Variants in CNTN4 observed in about 807,000 individuals in gnomAD.
CNTN4 encodes the protein contactin-4.
Under a neutral mutation model 122.5 loss-of-function variants are expected in CNTN4, and 77 were observed. The observed-to-expected ratio is 0.63, with a 90% CI of 0.52 to 0.76. The LOEUF (loss-of-function observed/expected upper bound fraction) is 0.76. CNTN4 is among the 30% of genes least tolerant of loss of function. The pLI is 0.00. For missense variants in CNTN4, 1,256 were observed against 1,259.1 expected (o/e 1.00, Z 0.04); for synonymous variants, 512 against 447.0 (o/e 1.15, Z -1.83).
chr3:2,460,203 C>G (rs2049154891), intron 3 of CNTN4, among the ~76,000 whole-genome samples: 1 of 152,108 alleles, frequency 6.6e-6, no homozygotes, highest in Non-Finnish European at 1.5e-5. Context: ...ACCACGGTTG[C>G]TCGGCATGCT....
intron 3 of CNTN4, among the ~76,000 whole-genome samples, chr3:2,391,491 A>G (rs13077123): frequency 0.16 from 24,407 of 152,246 alleles, 2,400 homozygotes; most frequent in Middle Eastern, 0.26. Context: ...GTCCACAGCA[A>G]TAAAGTCACA....
chr3:2,392,966 C>T (rs1181378614), intron 3 of CNTN4, among the ~76,000 whole-genome samples: 1 of 152,118 alleles, frequency 6.6e-6, no homozygotes, highest in Non-Finnish European at 1.5e-5. Context: ...GCTCTTGTAA[C>T]AAAGTACCAC....
intron 3 of CNTN4, among the ~76,000 whole-genome samples, chr3:2,352,760 G>A (rs531048401): frequency 6.6e-6 from 1 of 152,370 alleles, no homozygotes; most frequent in East Asian, 1.9e-4. Context: ...CCCAAGGGCT[G>A]AGGAGTGCAG....
At chr3:2,334,565 C>A (rs1387194204) in intron 2 of CNTN4, among the ~76,000 whole-genome samples, 5 of 80,092 alleles carry the variant, frequency 6.2e-5, no homozygotes, top group East Asian at 1.8e-3. Context: ...GTTCATGCAG[C>A]AAATAACGTG....
At position 2,167,098 on chromosome 3, in the gene CNTN4, T is replaced by C. The variant is rs545875974; in HGVS notation, c.-145+66459T>C. ...TAAAAATATATATGCAAGTTACAAT[T>C]AAAGTAGGTAAATTAAATCTTAAAT... On this transcript the variant is annotated intron_variant, in intron 2 of 24. Transcript: ENST00000418658. 6.6e-5 allele frequency among the ~76,000 whole-genome samples: 10 copies of C among 152,272 alleles called. No homozygotes were observed. The South Asian group carries it at 2.1e-3, about 32-fold the overall frequency.
At chr3:2,695,139 G>A (rs1234701895) in intron 4 of CNTN4, among the ~76,000 whole-genome samples, 1 of 152,074 alleles carries the variant, frequency 6.6e-6, no homozygotes, top group Non-Finnish European at 1.5e-5. Context: ...TCCAGTATAG[G>A]AATATCTTAC....
At chr3:2,325,190 G>A (rs897666961) in intron 2 of CNTN4, among the ~76,000 whole-genome samples, 1 of 152,148 alleles carries the variant, frequency 6.6e-6, no homozygotes, top group African/African-American at 2.4e-5. Context: ...ACATAAGAGC[G>A]AATGCAGAAG....
intron 3 of CNTN4, among the ~76,000 whole-genome samples, chr3:2,425,435 T>C (rs994558323): frequency 4.6e-5 from 7 of 152,204 alleles, no homozygotes; most frequent in African/African-American, 1.7e-4. Flanking sequence ...TCTTCATCTC[T>C]GTTTTGGTAC....
At chr3:2,772,715 T>C (rs575624627) in intron 6 of CNTN4, among the ~76,000 whole-genome samples, 41 of 152,282 alleles carry the variant, frequency 2.7e-4, no homozygotes, top group Admixed American at 1.0e-3. Context: ...GTTGAATATA[T>C]GAGAAATACT....
At chr3:2,365,540 C>G (rs942989525) in intron 3 of CNTN4, among the ~76,000 whole-genome samples, 12 of 152,052 alleles carry the variant, frequency 7.9e-5, no homozygotes, top group African/African-American at 2.9e-4. Context: ...GGGGGAAATG[C>G]AAAGAGAGAA....
At chr3:2,834,653 A>G (rs766572764) in intron 7 of CNTN4, among the ~76,000 whole-genome samples, 16 of 152,148 alleles carry the variant, frequency 1.1e-4, no homozygotes, top group African/African-American at 2.4e-4. Flanking sequence ...AAAAGCATAC[A>G]TGAAGTATAG....
Position 2,441,028 on chromosome 3 carries a change from A to G in CNTN4, c.-89+101795A>G, listed in dbSNP as rs1164228472. Among the ~76,000 whole-genome samples, 9 of 151,726 alleles carry G rather than the reference A, an allele frequency of 5.9e-5. No individual in the cohort carries two copies. The South Asian group carries it at 1.9e-3, about 32-fold the overall frequency. ...ATATATATATAAAGGTTAAATGAGT[A>G]TTCCATGGCCCTGTATTTGATTAAT... On this transcript the variant is annotated intron_variant, in intron 3 of 24. Coordinates refer to ENST00000418658, the MANE Select transcript of CNTN4 (RefSeq NM_175607.3).
chr3:2,968,136 T>A (rs1013052988), intron 13 of CNTN4, among the ~76,000 whole-genome samples: 1 of 152,228 alleles, frequency 6.6e-6, no homozygotes, highest in African/African-American at 2.4e-5. Flanking sequence ...AAATGGTTTG[T>A]CAGCAGCTGA....
chr3:3,020,349 G>A (rs139192247), intron 14 of CNTN4, among the ~76,000 whole-genome samples: 1 of 152,174 alleles, frequency 6.6e-6, no homozygotes, highest in Non-Finnish European at 1.5e-5. Context: ...GAGAAGCAGG[G>A]CACGTGTAAA....
intron 4 of CNTN4, among the ~76,000 whole-genome samples, chr3:2,668,424 A>AT (rs772969354): frequency 3.3e-5 from 5 of 152,098 alleles, no homozygotes; most frequent in Admixed American, 6.6e-5. Context: ...AATGCTTGTG[A>AT]TTTTTGCACA....
intron 3 of CNTN4, among the ~76,000 whole-genome samples, chr3:2,449,021 A>G (rs1286024350): frequency 6.6e-6 from 1 of 152,134 alleles, no homozygotes; most frequent in East Asian, 1.9e-4. Context: ...TTCCACTTCC[A>G]TAAAAAAGGT....
intron 7 of CNTN4, among the ~76,000 whole-genome samples, chr3:2,842,778 C>G (rs1227947713): frequency 2.0e-5 from 3 of 152,196 alleles, no homozygotes; most frequent in Non-Finnish European, 4.4e-5. Context: ...ATACTTGCTT[C>G]TTGTGGCTTT....
intron 3 of CNTN4, among the ~76,000 whole-genome samples, chr3:2,347,678 G>A (rs1218701053): frequency 1.6e-5 from 2 of 128,980 alleles, no homozygotes; most frequent in Non-Finnish European, 3.3e-5. Flanking sequence ...CCAAAGTGCT[G>A]GAATTACAAG....
At chr3:2,206,757 T>C (rs1306509200) in intron 2 of CNTN4, among the ~76,000 whole-genome samples, 1 of 152,176 alleles carries the variant, frequency 6.6e-6, no homozygotes, top group Admixed American at 6.6e-5. Context: ...TTATGGATAC[T>C]GTGAAGGAAT....
Sources: gnomAD v4.1 joint callset for allele counts (sites outside exome capture counted in the v4.1 genomes callset) on GRCh38, gnomAD v4.1.1 for gene constraint, MANE v1.5 for transcripts, NCBI Gene and HGNC (gene_info 2026-07-23, HGNC 2026-07-21) for gene names.